Variants in HCCS observed in about 807,000 individuals in gnomAD.
HCCS encodes holocytochrome c-type synthase.
A neutral mutation model predicts 24.2 loss-of-function variants in HCCS; 2 were observed. That is an observed-to-expected ratio of 0.08 (90% CI 0.03 to 0.26). The LOEUF (loss-of-function observed/expected upper bound fraction) is 0.26. HCCS is among the 10% of genes least tolerant of loss of function. The pLI, the probability that HCCS is intolerant of heterozygous loss-of-function variation, is 1.00. For missense variants in HCCS, 150 were observed against 213.3 expected (o/e 0.70, Z 1.85); for synonymous variants, 73 against 76.2 (o/e 0.96, Z 0.22).
intron 3 of HCCS, among the ~76,000 whole-genome samples, chrX:11,115,937 A>G (rs1602702920): frequency 8.9e-6 from 1 of 112,075 alleles, no homozygotes; most frequent in African/African-American, 3.3e-5. Context: ...CTGGCAGACC[A>G]CTGGCCTAGA....
chrX:11,121,564 G>A (rs749453187), intron 6 of HCCS, 48 bp from the exon 7 acceptor site: 6 of 1,059,501 alleles, frequency 5.7e-6, no homozygotes, highest in East Asian at 6.0e-5. Context: ...AACCGGGACT[G>A]AATGTATTGC....
At chrX:11,120,849 A>T (rs765918804) in intron 5 of HCCS, 58 bp from the exon 6 acceptor site, 1 of 986,914 alleles carries the variant, frequency 1.0e-6, no homozygotes, top group Non-Finnish European at 1.4e-6. Flanking sequence ...TTAGAACATC[A>T]TCTTTGTCAA....
chrX:11,122,593 C>A lies in HCCS; in HGVS notation c.*783C>A, dbSNP rs927878892. The A allele has an allele frequency of 8.9e-6, 1 of 112,385 alleles. No individual in the cohort carries two copies. Among genetic ancestry groups the A allele is most frequent in the East Asian group, 2.8e-4 (1 of 3,598 alleles). 9.3% of individuals were successfully genotyped at this position (112,385 alleles called of 1,213,427 possible). A position where few individuals can be genotyped will look rare whatever the true frequency, so the allele number is the denominator to read the frequency against. On this transcript the variant is annotated 3_prime_UTR_variant, in exon 7 of 7. Coordinates refer to ENST00000380762, the MANE Select transcript of HCCS (RefSeq NM_005333.5). ...TCATTTCTTCCTTTGCTGGCAGCCT[C>A]CACCCTTCCCCACATCAGTCGGCCT... is the stretch of plus-strand genomic sequence containing the variant.
rs2147254267 is a variant in HCCS at position 11,122,049 on chromosome X, C to T, written c.*239C>T. The T allele has an allele frequency of 7.8e-6, 3 of 383,460 alleles. No individual in the cohort carries two copies. The highest frequency in any genetic ancestry group is 4.6e-5 in the Admixed American group (1 of 21,685). 31.6% of individuals were successfully genotyped at this position (383,460 alleles called of 1,213,427 possible). On this transcript the variant is annotated 3_prime_UTR_variant, in exon 7 of 7. Coordinates refer to ENST00000380762, the MANE Select transcript of HCCS (RefSeq NM_005333.5). ...TTAGCTTAAGTGGGAAGCAGTCTCT[C>T]AGTTTTTCCTTTACCTGCAGTATTG...
chrX:11,120,515 G>T (rs1220131339), intron 5 of HCCS, among the ~76,000 whole-genome samples: 3 of 111,933 alleles, frequency 2.7e-5, no homozygotes, highest in Non-Finnish European at 3.8e-5. Context: ...TGAAAGAAGA[G>T]TATAGGATTT....
intron 3 of HCCS, 72 bp from the exon 4 acceptor site, chrX:11,117,195 T>G: frequency 2.2e-6 from 2 of 924,126 alleles, no homozygotes; most frequent in Non-Finnish European, 3.2e-6. Flanking sequence ...ATGTATTGCT[T>G]TCCAGGAAGT....
chrX:11,116,566 C>A (rs1272342788), intron 3 of HCCS, among the ~76,000 whole-genome samples: 1 of 112,887 alleles, frequency 8.9e-6, no homozygotes, highest in Non-Finnish European at 1.9e-5. Flanking sequence ...GCCAGTCATT[C>A]CCAACCTTGG....
intron 5 of HCCS, chrX:11,119,942 T>C (rs754035452): frequency 6.0e-4 from 181 of 302,008 alleles, no homozygotes; most frequent in Non-Finnish European, 9.9e-4. Context: ...GTAGACCGTT[T>C]AAAAACTCAT....
chrX:11,118,407 G>A (rs1219135176), intron 4 of HCCS, 94 bp from the exon 5 acceptor site: 1 of 798,409 alleles, frequency 1.3e-6, no homozygotes, highest in African/African-American at 2.0e-5. Flanking sequence ...TCTCAAAGGG[G>A]AATGTTGAAT....
intron 4 of HCCS, 182 bp from the exon 5 acceptor site, chrX:11,118,319 G>T (rs2045464782): frequency 2.0e-6 from 1 of 494,364 alleles, no homozygotes; most frequent in African/African-American, 2.3e-5. Context: ...TTATAGTGCT[G>T]CTCCATGATC....
chrX:11,115,364 A>G (rs913729477), intron 3 of HCCS, among the ~76,000 whole-genome samples: 1 of 112,020 alleles, frequency 8.9e-6, no homozygotes, highest in Non-Finnish European at 1.9e-5. Flanking sequence ...GAACTTCTTC[A>G]GGTACAATAG....
intron 3 of HCCS, among the ~76,000 whole-genome samples, chrX:11,116,685 C>A (rs1006054513): frequency 6.2e-5 from 7 of 112,184 alleles, no homozygotes; most frequent in African/African-American, 2.3e-4. Flanking sequence ...GGATGAGAGA[C>A]CCTGGCTAAG....
At position 11,117,302 on chromosome X, in the gene HCCS, G is replaced by A; in HGVS notation, c.288G>A (p.Gln96=). The change falls in exon 4 of 7, where the codon CAG becomes CAA. Residue 96 remains glutamine (Q), a synonymous_variant. Coordinates refer to ENST00000380762, the MANE Select transcript of HCCS (RefSeq NM_005333.5). Reference sequence around the variant, plus strand: ...CAAATCAAACACCAGCTCCAGATCAGCCATTTGCATTGTCTACTGTCAGAG... The same window carrying A: ...CAAATCAAACACCAGCTCCAGATCAACCATTTGCATTGTCTACTGTCAGAG... ...PPPNQTPAPD[Q]PFALSTVREE... 8.3e-7 allele frequency: 1 copy of A among 1,209,327 alleles called. No homozygotes were observed. Among genetic ancestry groups the A allele is most frequent in the South Asian group, 1.8e-5 (1 of 56,933 alleles).
intron 3 of HCCS, among the ~76,000 whole-genome samples, chrX:11,115,659 A>C (rs1425771065): frequency 8.9e-6 from 1 of 112,212 alleles, no homozygotes; most frequent in Non-Finnish European, 1.9e-5. Context: ...TGGGGGATAC[A>C]ATAGCAGCGT....
chrX:11,116,660 T>C (rs1466371185), intron 3 of HCCS, among the ~76,000 whole-genome samples: 1 of 112,380 alleles, frequency 8.9e-6, no homozygotes, highest in Non-Finnish European at 1.9e-5. Context: ...CAGCTCCAAA[T>C]GTCAATAGTG....
rs759512922 is a variant in HCCS at position 11,120,866 on chromosome X, G to A, written c.522-41G>A. On this transcript the variant is annotated intron_variant, in intron 5 of 6. Coordinates refer to ENST00000380762, the MANE Select transcript of HCCS (RefSeq NM_005333.5). The stretch of plus-strand genomic sequence containing the variant: ...AGAACATCATCTTTGTCAAAGAAAA[G>A]AAAATATTTTAACAGACTTTTCTTA... 5 of 1,091,222 alleles carry A rather than the reference G, an allele frequency of 4.6e-6. No homozygotes were observed. The South Asian group carries it at 9.2e-5, about 20-fold the overall frequency. The allele number at this position is 1,091,222 out of a possible 1,213,427, so 89.9% of individuals were successfully genotyped here.
intron 1 of HCCS, 38 bp from the exon 2 acceptor site, chrX:11,111,981 G>T: frequency 1.4e-6 from 1 of 724,434 alleles, no homozygotes; most frequent in South Asian, 2.1e-5. Flanking sequence ...AGAATAGTCT[G>T]AGTCCAGAGA....
chrX:11,120,193 A>G, intron 5 of HCCS: 1 of 191,807 alleles, frequency 5.2e-6, no homozygotes, highest in Non-Finnish European at 9.9e-6. Context: ...CTTGGCCACC[A>G]CTCCCTCTGT....
rs2045468277 is a variant in HCCS, at chrX:11,118,737, G to GCT, written c.521+119_521+120dup. The GCT allele has an allele frequency of 3.8e-6, 3 of 790,242 alleles. No homozygotes were observed. The Admixed American group carries it at 7.0e-5, about 18-fold the overall frequency. 65.1% of individuals were successfully genotyped at this position (790,242 alleles called of 1,213,427 possible). A position where few individuals can be genotyped will look rare whatever the true frequency, so the allele number is the denominator to read the frequency against. On this transcript the variant is annotated intron_variant, in intron 5 of 6. Coordinates refer to ENST00000380762, the MANE Select transcript of HCCS (RefSeq NM_005333.5). Reference sequence around the variant, plus strand: ...TAAAACATTTTATGTAGCAGGCATGGCTCAGTGACAATTGTTGCATGACAG... The same window carrying GCT: ...TAAAACATTTTATGTAGCAGGCATGGCTCTCAGTGACAATTGTTGCATGACAG...
Sources: allele counts gnomAD v4.1 joint callset (sites outside exome capture counted in the v4.1 genomes callset), GRCh38; gene constraint gnomAD v4.1.1; transcripts MANE v1.5; gene names NCBI Gene and HGNC (gene_info 2026-07-23, HGNC 2026-07-21).